IFT122: variants seen among roughly 807,000 people sequenced by gnomAD.
The protein encoded by IFT122 is intraflagellar transport protein 122 homolog.
Under a neutral mutation model 161.6 loss-of-function variants are expected in IFT122, and 118 were observed. The observed-to-expected ratio is 0.73, with a 90% confidence interval of 0.63 to 0.85. The LOEUF (loss-of-function observed/expected upper bound fraction) is 0.85. Among genes scored for constraint, IFT122 ranks in the 40% least tolerant of loss-of-function variants. The pLI, the probability that IFT122 is intolerant of heterozygous loss-of-function variation, is 0.00. For missense variants in IFT122, 1,381 were observed against 1,579.6 expected (o/e 0.87, Z 2.13); for synonymous variants, 550 against 602.4 (o/e 0.91, Z 1.27).
intron 8 of IFT122, among the ~76,000 whole-genome samples, chr3:129,468,229 C>T (rs996222394): frequency 1.3e-5 from 2 of 152,256 alleles, no homozygotes; most frequent in African/African-American, 4.8e-5. Context: ...TGCCTGCCTA[C>T]ATATCCAGTG....
chr3:129,482,332 T>C (rs2078761429), intron 14 of IFT122, among the ~76,000 whole-genome samples: 1 of 152,228 alleles, frequency 6.6e-6, no homozygotes, highest in South Asian at 2.1e-4. Flanking sequence ...CCGGGCCTGG[T>C]TGGCTTTCTG....
chr3:129,457,647 A>T (rs2075673806), intron 3 of IFT122, among the ~76,000 whole-genome samples: 1 of 152,210 alleles, frequency 6.6e-6, no homozygotes, highest in South Asian at 2.1e-4. Flanking sequence ...TCAGTCAGAC[A>T]AAAGGAGTAC....
chr3:129,480,042 G>A, intron 13 of IFT122, 120 bp downstream of exon 13: 2 of 1,241,686 alleles, frequency 1.6e-6, no homozygotes, highest in South Asian at 2.5e-5. Flanking sequence ...CTCCTCCATG[G>A]GTGAATTGTG....
Position 129,460,026 on chromosome 3 carries a change from A to G in IFT122, c.273-1202A>G, listed in dbSNP as rs529978989. Among the ~76,000 whole-genome samples the G allele has an allele frequency of 6.6e-5, 10 of 152,070 alleles. No individual in the cohort carries two copies. In the South Asian group the frequency reaches 2.1e-3, roughly 32 times the overall value. ...AGTCCTCTCAAAGTACTGGGATTAC[A>G]GATACGAGCCACTGCACCTGGCCTC... On this transcript the variant is annotated intron_variant, in intron 4 of 29. Transcript: ENST00000348417.
intron 5 of IFT122, among the ~76,000 whole-genome samples, chr3:129,461,862 A>G (rs975134295): frequency 1.3e-5 from 2 of 152,226 alleles, no homozygotes; most frequent in African/African-American, 2.4e-5. Context: ...TACTGGCACA[A>G]AAGAGGTGTC....
At chr3:129,477,174 G>A (rs1220035893) in intron 11 of IFT122, among the ~76,000 whole-genome samples, 1 of 152,116 alleles carries the variant, frequency 6.6e-6, no homozygotes, top group African/African-American at 2.4e-5. Flanking sequence ...GAGTCACTCT[G>A]GGGTGCTTCT....
At chr3:129,470,972 C>T (rs2077309423) in intron 9 of IFT122, among the ~76,000 whole-genome samples, 1 of 152,198 alleles carries the variant, frequency 6.6e-6, no homozygotes, top group Admixed American at 6.5e-5. Context: ...AGTGGCATCA[C>T]AGATTCTTGC....
At chr3:129,488,913 G>A (rs1345393820) in intron 16 of IFT122, among the ~76,000 whole-genome samples, 2 of 151,984 alleles carry the variant, frequency 1.3e-5, no homozygotes, top group African/African-American at 2.4e-5. Context: ...CCTTCATGGC[G>A]GGATTCATGG....
intron 15 of IFT122, among the ~76,000 whole-genome samples, chr3:129,484,089 T>G: frequency 7.2e-6 from 1 of 139,380 alleles, no homozygotes; most frequent in African/African-American, 2.7e-5. Context: ...AGAGAGAGAA[T>G]GAGTGGGTGG....
chr3:129,501,288 C>T (rs946248435), intron 19 of IFT122, among the ~76,000 whole-genome samples: 8 of 152,280 alleles, frequency 5.3e-5, no homozygotes, highest in South Asian at 4.2e-4. Flanking sequence ...GTCCTAAAGG[C>T]TGTTGATTCT....
chr3:129,505,544 A>G (rs773559408), intron 21 of IFT122, among the ~76,000 whole-genome samples: 13 of 152,338 alleles, frequency 8.5e-5, no homozygotes, highest in Non-Finnish European at 1.9e-4. Flanking sequence ...CCATCACCAT[A>G]GTAACTTGGT....
At chr3:129,476,849 T>C (rs759050762) in intron 11 of IFT122, 48 bp downstream of exon 11, 1 of 1,611,168 alleles carries the variant, frequency 6.2e-7, no homozygotes, top group Non-Finnish European at 8.5e-7. Flanking sequence ...TGGAAGCAGG[T>C]GGAAAGGGCT....
chr3:129,459,446 T>C (rs1163747398), intron 4 of IFT122: 1 of 327,412 alleles, frequency 3.1e-6, no homozygotes, highest in Non-Finnish European at 5.9e-6. Context: ...CTCACCACCA[T>C]GCCAGGCTAA....
intron 14 of IFT122, 135 bp downstream of exon 14, chr3:129,481,829 C>G: frequency 4.6e-6 from 4 of 870,292 alleles, no homozygotes; most frequent in Non-Finnish European, 7.5e-6. Flanking sequence ...AGCACATGCA[C>G]AGAGTCCCAG....
intron 1 of IFT122, among the ~76,000 whole-genome samples, chr3:129,444,071 A>G (rs1559823206): frequency 6.6e-6 from 1 of 152,158 alleles, no homozygotes; most frequent in Non-Finnish European, 1.5e-5. Flanking sequence ...AGCAATCCAC[A>G]AGTGTCAGGC....
In IFT122 at chr3:129,515,704, T is replaced by C. The variant is rs1215279478; in HGVS notation, c.3265+105T>C. The C allele has an allele frequency of 4.3e-6, 4 of 926,122 alleles. No homozygotes were observed. In the East Asian group the frequency reaches 9.9e-5, roughly 23 times the overall value. 57.4% of individuals were successfully genotyped at this position (926,122 alleles called of 1,614,324 possible). A position where few individuals can be genotyped will look rare whatever the true frequency, so the allele number is the denominator to read the frequency against. Reference sequence around the variant, plus strand: ...ACGTTGGGCAAGGGCCAAAGGCCTCTGAATGTCCCTGTTTATGAAATGAGG... The same window carrying C: ...ACGTTGGGCAAGGGCCAAAGGCCTCCGAATGTCCCTGTTTATGAAATGAGG... On this transcript the variant is annotated intron_variant, in intron 26 of 29. Transcript: ENST00000348417.
At chr3:129,440,629 C>G (rs967699609) in intron 1 of IFT122, among the ~76,000 whole-genome samples, 4 of 152,202 alleles carry the variant, frequency 2.6e-5, no homozygotes, top group Admixed American at 2.0e-4. Context: ...CGGTCTGGCC[C>G]TGTCGCTGCC....
chr3:129,488,142 G>A, intron 15 of IFT122, 115 bp from the exon 16 acceptor site: 3 of 1,574,244 alleles, frequency 1.9e-6, no homozygotes, highest in Non-Finnish European at 2.6e-6. Context: ...CTGCAGGGCT[G>A]CTCCCCAGGC....
chr3:129,453,566 T>A (rs992207630), intron 3 of IFT122, among the ~76,000 whole-genome samples: 3 of 152,200 alleles, frequency 2.0e-5, no homozygotes, highest in South Asian at 4.1e-4. Flanking sequence ...GAGGTGAATT[T>A]AACCAGAGGT....
Sources: allele counts gnomAD v4.1 joint callset (sites outside exome capture counted in the v4.1 genomes callset), GRCh38; gene constraint gnomAD v4.1.1; transcripts MANE v1.5; gene names NCBI Gene and HGNC (gene_info 2026-07-23, HGNC 2026-07-21).